The following FOXN4 variants were observed in gnomAD, a reference collection of about 807,000 sequenced individuals.
FOXN4 encodes forkhead box N4.
FOXN4 carries 12 observed loss-of-function variants against 45.0 expected under a neutral mutation model. The observed-to-expected ratio is 0.27, with a 90% CI of 0.17 to 0.43. FOXN4 has a LOEUF of 0.43. Among genes scored for constraint, FOXN4 ranks in the 20% least tolerant of loss-of-function variants. The pLI is 1.00. For synonymous variants in FOXN4, 297 were observed against 295.0 expected, an observed-to-expected ratio of 1.01 and a Z score of -0.07; for missense variants, 560 against 694.9, an observed-to-expected ratio of 0.81 and a Z score of 2.18.
At chr12:109,285,141 T>G in intron 8 of FOXN4, 163 bp downstream of exon 8, 12 of 307,782 alleles carry the variant, frequency 3.9e-5, no homozygotes, top group Non-Finnish European at 5.6e-5. Context: ...CGTGTGCGTG[T>G]ATTTGTGTGT....
In FOXN4 at chr12:109,288,170, A is replaced by G. The variant is rs1353907616; in HGVS notation, c.243T>C (p.Ala81=). The part of the protein sequence containing the change: ...CVPHPHPGAL[A]GVADLHVGAT... ...CTCCCACATGCAGGTCGGCCACCCC[A>G]GCCAAGGCACCTGCCGGAGAGAAGC... Residue 81 remains alanine, a synonymous_variant, in exon 4 of 10, where the codon GCT becomes GCC. Coordinates refer to ENST00000299162, the MANE Select transcript of FOXN4 (RefSeq NM_213596.3). This position sits in a 1 kb window ranked among gnomAD's most constrained non-coding sequence, Gnocchi z 4.3. 1 of 1,547,520 alleles carries G rather than the reference A, an allele frequency of 6.5e-7. No homozygotes were observed. The highest frequency in any genetic ancestry group is 2.0e-5 in the Admixed American group (1 of 50,106).
intron 1 of FOXN4, 47 bp from the exon 2 acceptor site, chr12:109,308,371 T>A (rs1378879580): frequency 7.3e-7 from 1 of 1,369,258 alleles, no homozygotes; most frequent in Admixed American, 2.1e-5. Flanking sequence ...AGCGACGATA[T>A]GGACAGGGCA....
In FOXN4 at chr12:109,288,312, T is replaced by C; in HGVS notation, c.233-132A>G. 6 of 1,262,168 alleles carry C rather than the reference T, an allele frequency of 4.8e-6. No individual in the cohort carries two copies. In the South Asian group the frequency reaches 7.4e-5, roughly 16 times the overall value. The allele number at this position is 1,262,168 out of a possible 1,614,324, so 78.2% of individuals were successfully genotyped here. A position where few individuals can be genotyped will look rare whatever the true frequency, so the allele number is the denominator to read the frequency against. On this transcript the variant is annotated intron_variant, in intron 3 of 9. Transcript: ENST00000299162. This position sits in a 1 kb window ranked among gnomAD's most constrained non-coding sequence, Gnocchi z 4.3. Reference sequence around the variant, plus strand: ...CTCGGACCAGGCACATAGTAGGTGCTTGGCAAATCACTTCCCTGGTGTGTA... The same window carrying C: ...CTCGGACCAGGCACATAGTAGGTGCCTGGCAAATCACTTCCCTGGTGTGTA...
intron 2 of FOXN4, among the ~76,000 whole-genome samples, chr12:109,304,291 G>GAAAGA (rs1555244418): frequency 4.5e-5 from 2 of 44,564 alleles, no homozygotes; most frequent in African/African-American, 2.2e-4. Context: ...AAGAAAGAAA[G>GAAAGA]AAAGGAGAAA....
chr12:109,299,369 C>T (rs904352771), intron 2 of FOXN4, among the ~76,000 whole-genome samples: 7 of 152,012 alleles, frequency 4.6e-5, no homozygotes, highest in African/African-American at 1.2e-4. Flanking sequence ...TGCACACACA[C>T]GTGCACACAC....
In FOXN4 at chr12:109,279,632, G is replaced by A. The variant is rs1050823276; in HGVS notation, c.*39C>T. ...CTGTTCTAGTCAGTTCTCTGCCCAA[G>A]CCGGGTGCCGGGGTTCCAGGGCAGG... On this transcript the variant is annotated 3_prime_UTR_variant, in exon 10 of 10. Coordinates refer to ENST00000299162, the MANE Select transcript of FOXN4 (RefSeq NM_213596.3). 6.4e-7 allele frequency: 1 copy of A among 1,557,618 alleles called. No individual in the cohort carries two copies. The highest frequency in any genetic ancestry group is 1.2e-5 in the South Asian group (1 of 84,302).
At chr12:109,308,092 G>T in intron 2 of FOXN4, 144 bp downstream of exon 2, 1 of 692,212 alleles carries the variant, frequency 1.4e-6, no homozygotes, top group Non-Finnish European at 2.3e-6. Flanking sequence ...GACCAACATT[G>T]AAATCAAGAC....
rs1332979467 is a variant in FOXN4, at chr12:109,285,305, A to C, written c.900T>G (p.Pro300=). 1 of 1,560,256 alleles carries C rather than the reference A, an allele frequency of 6.4e-7. No homozygotes were observed. Among genetic ancestry groups the C allele is most frequent in the African/African-American group, 1.6e-5 (1 of 62,622 alleles). The change falls in exon 8 of 10, where the codon CCT becomes CCG. Residue 300 remains proline (P), a splice_region_variant and synonymous_variant. Transcript: ENST00000299162. Reference sequence around the variant, plus strand: ...CACTGCGGGCTGTCCGGCCCTCACCAGGGTTGGCCATACTCCGGTGGATGG... The same window carrying C: ...CACTGCGGGCTGTCCGGCCCTCACCCGGGTTGGCCATACTCCGGTGGATGG... The part of the protein sequence containing the change: ...LAAIHRSMAN[P]EELDKLISDR...
intron 8 of FOXN4, 160 bp downstream of exon 8, chr12:109,285,144 T>TTG (rs1439173017): frequency 6.5e-6 from 2 of 306,052 alleles, no homozygotes; most frequent in African/African-American, 5.1e-5. Flanking sequence ...GTGCGTGTAT[T>TTG]TGTGTGTGTG....
chr12:109,286,511 T>G (rs2047711651), intron 7 of FOXN4, 137 bp downstream of exon 7: 5 of 773,816 alleles, frequency 6.5e-6, no homozygotes, highest in Non-Finnish European at 1.0e-5. Context: ...TGAGTGTGTG[T>G]GCACATGTCC....
chr12:109,279,927 T>C lies in FOXN4; in HGVS notation c.1298A>G (p.Asn433Ser). 1 of 1,613,816 alleles carries C rather than the reference T, an allele frequency of 6.2e-7. No individual in the cohort carries two copies. Among genetic ancestry groups the C allele is most frequent in the Non-Finnish European group, 8.5e-7 (1 of 1,179,796 alleles). The change falls in exon 10 of 10, where the codon AAC becomes AGC. Residue 433 changes from asparagine (N) to serine (S), a missense_variant. Physicochemically the swap from Asn to Ser is conservative, Grantham distance 46. Coordinates refer to ENST00000299162, the MANE Select transcript of FOXN4 (RefSeq NM_213596.3). ...CTCATCCTTCATCTCCTCCCACAGGTTCCCTTTCAAAGACAAAAGCATTAG... is the reference window on the plus strand; with the variant it reads ...CTCATCCTTCATCTCCTCCCACAGGCTCCCTTTCAAAGACAAAAGCATTAG... The part of the protein sequence containing the change: ...PSIMDFALQG[N>S]LWEEMKDEGF...
chr12:109,295,079 GATA>G (rs377188697), intron 2 of FOXN4, among the ~76,000 whole-genome samples: 4 of 152,018 alleles, frequency 2.6e-5, no homozygotes, highest in East Asian at 1.9e-4. Context: ...GGGCATGAGT[GATA>G]ATAATAATAA....
rs1253576412 is a variant in FOXN4 at position 109,281,814 on chromosome 12, G to A, written c.902-15C>T. On this transcript the variant is annotated splice_polypyrimidine_tract_variant and intron_variant, in intron 8 of 9. Coordinates refer to ENST00000299162, the MANE Select transcript of FOXN4 (RefSeq NM_213596.3). ...GTCCAACTCCTCTGCAGGCAAGTGG[G>A]AGAGGTCACTCAGAACCCACCCAGC... The A allele has an allele frequency of 1.3e-6, 2 of 1,551,044 alleles. No individual in the cohort carries two copies. The highest frequency in any genetic ancestry group is 1.7e-6 in the Non-Finnish European group (2 of 1,153,042).
intron 2 of FOXN4, among the ~76,000 whole-genome samples, chr12:109,302,656 C>T (rs1216025609): frequency 2.0e-5 from 3 of 152,178 alleles, no homozygotes; most frequent in Admixed American, 2.0e-4. Flanking sequence ...GCTCAGGCCA[C>T]ATTTCTCTCT....
Position 109,287,060 on chromosome 12 carries a change from A to G in FOXN4, c.597-316T>C, listed in dbSNP as rs1418767296. On this transcript the variant is annotated intron_variant, in intron 6 of 9. Coordinates refer to ENST00000299162, the MANE Select transcript of FOXN4 (RefSeq NM_213596.3). This position sits in a 1 kb window ranked among gnomAD's most constrained non-coding sequence, Gnocchi z 4.1. ...TTACCTAGGTTGTTTCCCCCTCCCC[A>G]AACTCCCACGAGGTATACAATACTA... 1.3e-5 allele frequency among the ~76,000 whole-genome samples: 2 copies of G among 152,036 alleles called. No homozygotes were observed. Among genetic ancestry groups the G allele is most frequent in the Non-Finnish European group, 2.9e-5 (2 of 68,000 alleles).
intron 2 of FOXN4, among the ~76,000 whole-genome samples, chr12:109,308,026 C>G (rs1465267570): frequency 6.6e-6 from 1 of 152,162 alleles, no homozygotes; most frequent in Non-Finnish European, 1.5e-5. Flanking sequence ...GGACAAGAGA[C>G]AGCAGGCATT....
intron 7 of FOXN4, 71 bp downstream of exon 7, chr12:109,286,577 G>A: frequency 6.7e-7 from 1 of 1,487,642 alleles, no homozygotes; most frequent in Non-Finnish European, 9.1e-7. Context: ...CCCAGGGCCA[G>A]CCCTGGATTC....
Position 109,309,170 on chromosome 12 carries a change from G to C in FOXN4, c.-55C>G, listed in dbSNP as rs982377571. The C allele has an allele frequency of 6.6e-6, 1 of 152,272 alleles. No individual in the cohort carries two copies. Among genetic ancestry groups the C allele is most frequent in the African/African-American group, 2.4e-5 (1 of 41,454 alleles). 9.4% of individuals were successfully genotyped at this position (152,272 alleles called of 1,614,324 possible). A position where few individuals can be genotyped will look rare whatever the true frequency, so the allele number is the denominator to read the frequency against. On this transcript the variant is annotated 5_prime_UTR_variant, in exon 1 of 10. Coordinates refer to ENST00000299162, the MANE Select transcript of FOXN4 (RefSeq NM_213596.3). The surrounding 1 kb of genome is among the most constrained non-coding windows in gnomAD (Gnocchi z 5.0). Reference sequence around the variant, plus strand: ...GCTGCCGGCGCTCCGGGGGTGGGCAGGGGTTCCGGAGGGGGGCTCCCTCGC... The same window carrying C: ...GCTGCCGGCGCTCCGGGGGTGGGCACGGGTTCCGGAGGGGGGCTCCCTCGC...
chr12:109,302,399 TTCCTACC>T (rs2047876231), intron 2 of FOXN4, among the ~76,000 whole-genome samples: 2 of 152,228 alleles, frequency 1.3e-5, no homozygotes, highest in South Asian at 4.1e-4. Flanking sequence ...AACTCTTTAC[TTCCTACC>T]TTGGGATTCC....
Sources: gnomAD v4.1 joint callset for allele counts (sites outside exome capture counted in the v4.1 genomes callset) on GRCh38, gnomAD v4.1.1 for gene constraint, Gnocchi (gnomAD v3.1) non-coding constraint, MANE v1.5 for transcripts, NCBI Gene and HGNC (gene_info 2026-07-23, HGNC 2026-07-21) for gene names.